Variants in NAALAD2 observed in about 807,000 individuals in gnomAD.
NAALAD2 encodes N-acetylated alpha-linked acidic dipeptidase 2, also known as N-acetylated-alpha-linked acidic dipeptidase 2.
A neutral mutation model predicts 95.6 loss-of-function variants in NAALAD2; 89 were observed. The observed-to-expected ratio is 0.93, with a 90% confidence interval of 0.78 to 1.11. The LOEUF (loss-of-function observed/expected upper bound fraction) is 1.11. Among genes scored for constraint, NAALAD2 ranks in the 50% least tolerant of loss-of-function variants. The probability of loss-of-function intolerance (pLI) is 0.00; values close to 1 mark genes in which losing one functional copy is unlikely to be tolerated. For synonymous variants in NAALAD2, 264 were observed against 294.4 expected (o/e 0.90, Z 1.06); for missense variants, 894 against 872.4 (o/e 1.02, Z -0.31).
At chr11:90,177,232 A>G (rs1265006270) in intron 15 of NAALAD2, among the ~76,000 whole-genome samples, 3 of 152,144 alleles carry the variant, frequency 2.0e-5, no homozygotes, top group African/African-American at 7.2e-5. Context: ...CTTAAATGAC[A>G]TTTAGATATA....
chr11:90,178,071 A>C lies in NAALAD2; in HGVS notation c.1812A>C (p.Leu604=). ...LKNYAASIYN[L]SKKHDQQLTD... ...ACTATGCAGCAAGTATCTATAATCT[A>C]TCTAAGAAACATGATCAACAATTGA... The change falls in exon 16 of 19, where the codon CTA becomes CTC. Residue 604 remains leucine (L), a synonymous_variant. Coordinates refer to ENST00000534061, the MANE Select transcript of NAALAD2 (RefSeq NM_005467.4). The C allele has an allele frequency of 6.2e-7, 1 of 1,613,304 alleles. No homozygotes were observed. Among genetic ancestry groups the C allele is most frequent in the Non-Finnish European group, 8.5e-7 (1 of 1,179,770 alleles).
chr11:90,162,853 TAATA>T (rs1952334536), intron 8 of NAALAD2, 92 bp from the exon 9 acceptor site: 1 of 691,458 alleles, frequency 1.4e-6, no homozygotes, highest in African/African-American at 1.9e-5. Context: ...CAGCTTTTCA[TAATA>T]AAACACTATT....
At chr11:90,151,016 GTATAT>G (rs756989780) in intron 5 of NAALAD2, among the ~76,000 whole-genome samples, 36 of 151,442 alleles carry the variant, frequency 2.4e-4, no homozygotes, top group South Asian at 4.2e-4. Context: ...CTTTTACATT[GTATAT>G]TATAAGACTT....
intron 18 of NAALAD2, among the ~76,000 whole-genome samples, chr11:90,189,786 T>A (rs1041820025): frequency 2.0e-5 from 3 of 150,070 alleles, no homozygotes; most frequent in African/African-American, 7.3e-5. Flanking sequence ...AAAAAAGAAA[T>A]TTTGCATTAT....
At chr11:90,171,452 A>G (rs1201016186) in intron 13 of NAALAD2, among the ~76,000 whole-genome samples, 1 of 152,170 alleles carries the variant, frequency 6.6e-6, no homozygotes, top group Non-Finnish European at 1.5e-5. Flanking sequence ...TCTTATCTAA[A>G]AGTAAGCTGA....
At chr11:90,156,700 C>G (rs954567075) in intron 6 of NAALAD2, among the ~76,000 whole-genome samples, 2 of 152,110 alleles carry the variant, frequency 1.3e-5, no homozygotes, top group African/African-American at 4.8e-5. Flanking sequence ...ATTCTCCTGC[C>G]CCAGCCTCCC....
At chr11:90,141,614 T>TTTG (rs1951618102) in intron 2 of NAALAD2, among the ~76,000 whole-genome samples, 1 of 105,448 alleles carries the variant, frequency 9.5e-6, no homozygotes, top group Non-Finnish European at 1.9e-5. Flanking sequence ...TTGTTTGTTT[T>TTTG]GGTTTTGGGG....
rs750206677 is a variant in NAALAD2, at chr11:90,163,438, C to A, written c.1195+9C>A. ...AAAACTGATGAGTAAAGGTAAACAA[C>A]CTTTCTTTCCTAGGTGATGACAAAA... On this transcript the variant is annotated intron_variant, in intron 10 of 18. Transcript: ENST00000534061. The A allele has an allele frequency of 6.2e-7, 1 of 1,613,792 alleles. No homozygotes were observed. The highest frequency in any genetic ancestry group is 1.1e-5 in the South Asian group (1 of 91,038).
At chr11:90,155,886 A>G (rs1457024529) in intron 6 of NAALAD2, among the ~76,000 whole-genome samples, 1 of 142,530 alleles carries the variant, frequency 7.0e-6, no homozygotes, top group Non-Finnish European at 1.5e-5. Context: ...TGTATATGTA[A>G]TATATATTAT....
At chr11:90,162,913 G>T (rs1306420271) in intron 8 of NAALAD2, 36 bp from the exon 9 acceptor site, 65 of 1,108,794 alleles carry the variant, frequency 5.9e-5, no homozygotes, top group Non-Finnish European at 7.9e-5. Context: ...AACATAATTT[G>T]CTGTACTAAG....
At chr11:90,190,641 A>T in intron 18 of NAALAD2, among the ~76,000 whole-genome samples, 1 of 152,184 alleles carries the variant, frequency 6.6e-6, no homozygotes, top group East Asian at 1.9e-4. Context: ...CAATGCTTAT[A>T]AACAACTTAG....
chr11:90,149,878 A>T (rs1055512400), intron 4 of NAALAD2, among the ~76,000 whole-genome samples: 1 of 152,180 alleles, frequency 6.6e-6, no homozygotes, highest in Non-Finnish European at 1.5e-5. Flanking sequence ...TATAGTTAGG[A>T]TCTTTAAAAT....
rs779552332 is a variant in NAALAD2 at position 90,135,629 on chromosome 11, G to A, written c.153G>A (p.Leu51=). 4 of 1,613,166 alleles carry A rather than the reference G, an allele frequency of 2.5e-6. No individual in the cohort carries two copies. In the East Asian group the frequency reaches 8.9e-5, roughly 36 times the overall value. Residue 51 remains leucine (L), a synonymous_variant, in exon 2 of 19, where the codon CTG becomes CTA. Coordinates refer to ENST00000534061, the MANE Select transcript of NAALAD2 (RefSeq NM_005467.4). The part of the protein sequence containing the change: ...VRYHQSIRWK[L]VSEMKAENIK... The stretch of plus-strand genomic sequence containing the variant: ...ATCATCAAAGTATACGGTGGAAACT[G>A]GTATCCGAAATGAAAGCTGAAAACA...
chr11:90,188,503 G>C (rs1315271571), intron 18 of NAALAD2, among the ~76,000 whole-genome samples: 1 of 152,118 alleles, frequency 6.6e-6, no homozygotes, highest in African/African-American at 2.4e-5. Flanking sequence ...CAAGATCAGT[G>C]TCAACCAATT....
At chr11:90,182,884 G>A in intron 17 of NAALAD2, 32 bp from the exon 18 acceptor site, 1 of 1,393,644 alleles carries the variant, frequency 7.2e-7, no homozygotes, top group Non-Finnish European at 1.0e-6. Context: ...TCTGCGGTTT[G>A]CGTTATAATT....
intron 2 of NAALAD2, among the ~76,000 whole-genome samples, chr11:90,142,317 T>C (rs1291636901): frequency 6.6e-6 from 1 of 152,206 alleles, no homozygotes; most frequent in Non-Finnish European, 1.5e-5. Context: ...GTTTTTACTC[T>C]ATGTATTCTG....
In NAALAD2 at chr11:90,150,605, A is replaced by G. The variant is rs1267904211; in HGVS notation, c.607A>G (p.Lys203Glu). ...ARYGKIFRGNKVKNAMLAGAI... is the reference protein window; with the variant it reads ...ARYGKIFRGNEVKNAMLAGAI... ...ATATGGAAAAATCTTCAGAGGAAAT[A>G]AAGTACAGTATTATTTGTTTTTCTA... is the stretch of plus-strand genomic sequence containing the variant. Residue 203 changes from lysine to glutamate, a missense_variant and splice_region_variant, in exon 5 of 19, where the codon AAA becomes GAA. Transcript: ENST00000534061. The G allele has an allele frequency of 1.9e-6, 3 of 1,587,668 alleles. No homozygotes were observed. Among genetic ancestry groups the G allele is most frequent in the African/African-American group, 1.3e-5 (1 of 74,172 alleles).
intron 16 of NAALAD2, among the ~76,000 whole-genome samples, chr11:90,178,542 G>T (rs1952869132): frequency 6.6e-6 from 1 of 151,884 alleles, no homozygotes; most frequent in African/African-American, 2.4e-5. Context: ...ATGGTGGTGG[G>T]CGCCTGTAGT....
At chr11:90,168,696 A>G (rs1952549363) in intron 11 of NAALAD2, among the ~76,000 whole-genome samples, 1 of 152,158 alleles carries the variant, frequency 6.6e-6, no homozygotes, top group Admixed American at 6.5e-5. Context: ...TGCTATTGCT[A>G]TAAACAGTAG....
Sources: allele counts gnomAD v4.1 joint callset (sites outside exome capture counted in the v4.1 genomes callset), GRCh38; gene constraint gnomAD v4.1.1; transcripts MANE v1.5; gene names NCBI Gene and HGNC (gene_info 2026-07-23, HGNC 2026-07-21).